Variants in PDE1C observed in about 807,000 individuals in gnomAD.
PDE1C encodes the protein dual specificity calcium/calmodulin-dependent 3',5'-cyclic nucleotide phosphodiesterase 1C.
Under a neutral mutation model 93.1 loss-of-function variants are expected in PDE1C, and 62 were observed. The ratio of observed to expected loss-of-function variants is 0.67; its 90% confidence interval spans 0.54 to 0.82. The LOEUF is 0.82. Ranked by LOEUF, PDE1C falls within the 40% of genes least tolerant of loss-of-function variation. The pLI is 0.00. For missense variants in PDE1C, 742 were observed against 884.6 expected, an observed-to-expected ratio of 0.84 and a Z score of 2.04; for synonymous variants, 325 against 310.1, an observed-to-expected ratio of 1.05 and a Z score of -0.50.
At chr7:32,389,990 A>G (rs1585138721) in intron 1 of PDE1C, among the ~76,000 whole-genome samples, 1 of 152,336 alleles carries the variant, frequency 6.6e-6, no homozygotes, top group African/African-American at 2.4e-5. Flanking sequence ...ATATTGAAAC[A>G]GGGAAATAAA....
At chr7:32,406,105 G>C (rs1785045742) in intron 1 of PDE1C, among the ~76,000 whole-genome samples, 2 of 152,094 alleles carry the variant, frequency 1.3e-5, no homozygotes, top group South Asian at 4.1e-4. Flanking sequence ...TCCCAGAGAA[G>C]GTACGTGCCT....
At chr7:31,840,252 T>C (rs987730819) in intron 9 of PDE1C, among the ~76,000 whole-genome samples, 1 of 152,222 alleles carries the variant, frequency 6.6e-6, no homozygotes, top group Non-Finnish European at 1.5e-5. Flanking sequence ...CATGTACTTA[T>C]ATTCCATTTG....
chr7:32,319,052 C>A (rs1264255413), intron 1 of PDE1C, among the ~76,000 whole-genome samples: 1 of 152,206 alleles, frequency 6.6e-6, no homozygotes, highest in Non-Finnish European at 1.5e-5. Flanking sequence ...AGGAAGCAGG[C>A]GGGAGGATTT....
At chr7:31,654,920 C>T in the PDE1C span, among the ~76,000 whole-genome samples, 10 of 152,090 alleles carry the variant, frequency 6.6e-5, no homozygotes, top group Admixed American at 1.3e-4. Flanking sequence ...TTTGACTCAG[C>T]GGGGCCTTCC....
intron 1 of PDE1C, among the ~76,000 whole-genome samples, chr7:32,358,480 A>G (rs936676740): frequency 3.9e-5 from 6 of 152,326 alleles, no homozygotes; most frequent in African/African-American, 1.4e-4. Flanking sequence ...TGTGGTAAGG[A>G]TCGAATCAGA....
At chr7:31,700,929 A>G in the PDE1C span, among the ~76,000 whole-genome samples, 1 of 152,202 alleles carries the variant, frequency 6.6e-6, no homozygotes, top group Non-Finnish European at 1.5e-5. Flanking sequence ...TCAAATTATT[A>G]CTGCTCATTA....
intron 2 of PDE1C, among the ~76,000 whole-genome samples, chr7:32,187,118 C>A (rs1048087209): frequency 1.3e-5 from 2 of 151,834 alleles, no homozygotes; most frequent in African/African-American, 2.4e-5. Flanking sequence ...TTATAATTTT[C>A]TTTTCTTCTT....
the PDE1C span, among the ~76,000 whole-genome samples, chr7:31,714,517 C>T: frequency 6.6e-4 from 101 of 152,304 alleles, 1 homozygote; most frequent in African/African-American, 2.0e-3. Flanking sequence ...GGTGTCTTTT[C>T]GGCAGTGCCC....
At chr7:32,169,858 G>T (rs773559001) in exon 3 of PDE1C, 82 of 1,612,372 alleles carry the variant, frequency 5.1e-5, no homozygotes, top group Non-Finnish European at 7.0e-5. Context: ...TCCTCTGGGG[G>T]TCGAGGGTCA....
At chr7:31,870,763 A>C (rs1487602593) in intron 6 of PDE1C, among the ~76,000 whole-genome samples, 1 of 152,012 alleles carries the variant, frequency 6.6e-6, no homozygotes, top group African/African-American at 2.4e-5. Flanking sequence ...TTACATTGCC[A>C]GCATTTCCCT....
At chr7:31,800,775 AG>A (rs1467521610) in intron 16 of PDE1C, among the ~76,000 whole-genome samples, 1 of 151,444 alleles carries the variant, frequency 6.6e-6, no homozygotes, top group East Asian at 1.9e-4. Context: ...ACCAAAAAAA[AG>A]CATACTAGGA....
At chr7:32,065,548 T>C (rs1268652962) in intron 1 of PDE1C, among the ~76,000 whole-genome samples, 1 of 152,124 alleles carries the variant, frequency 6.6e-6, no homozygotes, top group East Asian at 1.9e-4. Context: ...CCACTAGCCT[T>C]CAAATTGCTG....
At chr7:32,083,508 A>C (rs1433118374) in intron 3 of PDE1C, among the ~76,000 whole-genome samples, 1 of 152,128 alleles carries the variant, frequency 6.6e-6, no homozygotes, top group Admixed American at 6.6e-5. Flanking sequence ...GAATGCCACA[A>C]AGATACTCCT....
intron 1 of PDE1C, among the ~76,000 whole-genome samples, chr7:32,296,106 T>C (rs1812597740): frequency 6.6e-6 from 1 of 152,182 alleles, no homozygotes; most frequent in Non-Finnish European, 1.5e-5. Context: ...GTAAAAACAA[T>C]GTACATATTA....
At chr7:31,878,960 C>T (rs755804597) in intron 4 of PDE1C, 36 bp downstream of exon 4, 3 of 1,587,504 alleles carry the variant, frequency 1.9e-6, no homozygotes, top group Non-Finnish European at 2.6e-6. Context: ...GCTTTGGCTG[C>T]TTTAGTCACT....
At chr7:32,336,279 G>A (rs1783622772) in intron 1 of PDE1C, among the ~76,000 whole-genome samples, 1 of 152,154 alleles carries the variant, frequency 6.6e-6, no homozygotes. Flanking sequence ...TTCAGGGTGG[G>A]AGAATCTTCT....
At chr7:32,022,821 A>C (rs1788868191) in intron 2 of PDE1C, among the ~76,000 whole-genome samples, 1 of 152,068 alleles carries the variant, frequency 6.6e-6, no homozygotes, top group Admixed American at 6.6e-5. Context: ...TAACGACAGA[A>C]TTTTAATTAT....
the PDE1C span, among the ~76,000 whole-genome samples, chr7:31,660,985 A>G: frequency 1.3e-5 from 2 of 152,244 alleles, no homozygotes; most frequent in South Asian, 4.1e-4. Context: ...AATAATGTTG[A>G]TGATAAAAAG....
Position 32,383,729 on chromosome 7 carries a change from A to C in PDE1C, c.310+44093T>G, listed in dbSNP as rs529851846. On this transcript the variant is annotated intron_variant, in intron 1 of 1. Transcript: ENST00000672256. ...GATGGATGGACTGATTCACCCATTC[A>C]TTCAGTCAGGACAGAAATGACCAAC... Among the ~76,000 whole-genome samples the C allele has an allele frequency of 8.8e-4, 134 of 152,322 alleles. 2 individuals are homozygous for C. Among genetic ancestry groups the C allele is most frequent in the South Asian group, 1.9e-3 (9 of 4,828 alleles).
Sources: gnomAD v4.1 joint callset for allele counts (sites outside exome capture counted in the v4.1 genomes callset) on GRCh38, gnomAD v4.1.1 for gene constraint, MANE v1.5 for transcripts, NCBI Gene and HGNC (gene_info 2026-07-23, HGNC 2026-07-21) for gene names.